The following PALLD variants were observed in gnomAD, a reference collection of about 807,000 sequenced individuals.
The protein encoded by PALLD is palladin, cytoskeletal associated protein.
A neutral mutation model predicts 123.5 loss-of-function variants in PALLD; 61 were observed. That is an observed-to-expected ratio of 0.49 (90% CI 0.40 to 0.61). The LOEUF is 0.61. Among genes scored for constraint, PALLD ranks in the 20% least tolerant of loss-of-function variants. The pLI is 0.00. For synonymous variants in PALLD, 465 were observed against 496.4 expected (o/e 0.94, Z 0.84); for missense variants, 1,273 against 1,377.0 (o/e 0.92, Z 1.20).
intron 2 of PALLD, among the ~76,000 whole-genome samples, chr4:168,519,823 G>A (rs1470915416): frequency 6.6e-6 from 1 of 152,090 alleles, no homozygotes; most frequent in East Asian, 1.9e-4. Context: ...AAGCACACTA[G>A]GGCAGAATCC....
At chr4:168,867,366 C>T (rs1227486220) in intron 10 of PALLD, among the ~76,000 whole-genome samples, 2 of 152,132 alleles carry the variant, frequency 1.3e-5, no homozygotes, top group African/African-American at 4.8e-5. Context: ...TGGCTTTAAA[C>T]ACAGGAAATG....
chr4:168,728,300 A>G (rs955813897), intron 10 of PALLD, among the ~76,000 whole-genome samples: 11 of 152,180 alleles, frequency 7.2e-5, no homozygotes, highest in Admixed American at 4.6e-4. Context: ...TTTGGGTGGT[A>G]TGGGTATTTT....
intron 10 of PALLD, chr4:168,877,852 C>A: frequency 1.5e-6 from 2 of 1,375,054 alleles, no homozygotes; most frequent in Non-Finnish European, 1.9e-6. Context: ...CCGCCTTCCC[C>A]GAGCTCGCGG....
intron 2 of PALLD, among the ~76,000 whole-genome samples, chr4:168,599,359 A>G (rs1050842459): frequency 6.6e-6 from 1 of 152,206 alleles, no homozygotes; most frequent in Non-Finnish European, 1.5e-5. Context: ...CAAAATTCTA[A>G]TCATCTATTT....
At chr4:168,574,135 T>C (rs1297979957) in intron 2 of PALLD, among the ~76,000 whole-genome samples, 2 of 152,124 alleles carry the variant, frequency 1.3e-5, no homozygotes, top group East Asian at 1.9e-4. Context: ...AGACACTTAT[T>C]GCATAGTTAA....
At chr4:168,657,966 A>AAG (rs548906012) in intron 2 of PALLD, among the ~76,000 whole-genome samples, 158 of 152,288 alleles carry the variant, frequency 1.0e-3, no homozygotes, top group Admixed American at 5.6e-3. Flanking sequence ...GTCTCAAAAA[A>AAG]AGAGAGAGAG....
chr4:168,516,459 G>GT (rs1376795763), intron 2 of PALLD, among the ~76,000 whole-genome samples: 12 of 151,970 alleles, frequency 7.9e-5, no homozygotes, highest in Middle Eastern at 3.4e-3. Context: ...ATTTTTAAAG[G>GT]TATTTATTTA....
intron 10 of PALLD, among the ~76,000 whole-genome samples, chr4:168,853,655 G>C (rs773832716): frequency 2.0e-5 from 3 of 152,162 alleles, no homozygotes; most frequent in Non-Finnish European, 2.9e-5. Flanking sequence ...GAAGGGCTGA[G>C]ACTCTGAGAA....
chr4:168,725,688 G>A (rs112140640), intron 10 of PALLD, among the ~76,000 whole-genome samples: 12,478 of 151,466 alleles, frequency 0.082, 511 homozygotes, highest in South Asian at 0.12. Context: ...CACCACGCCC[G>A]GCTAATTTTT....
chr4:168,876,069 T>TG (rs1269431112), intron 10 of PALLD, among the ~76,000 whole-genome samples: 6 of 152,346 alleles, frequency 3.9e-5, no homozygotes, highest in African/African-American at 1.2e-4. Context: ...GCCACACAGA[T>TG]GGCTTCTAAT....
At position 168,918,325 on chromosome 4, in the gene PALLD, G is replaced by GATAT. The variant is rs71588177; in HGVS notation, c.2850+2310_2850+2313dup. 9.6e-3 allele frequency among the ~76,000 whole-genome samples: 1,430 copies of GATAT among 149,314 alleles called. 13 individuals carry two copies. The highest frequency in any genetic ancestry group is 0.022 in the African/African-American group (907 of 40,994). On this transcript the variant is annotated intron_variant, in intron 17 of 21. Transcript: ENST00000505667. Reference sequence around the variant, plus strand: ...AGATGAATGAATAAAGAAAATATGAGATATATATATATATACATACATACA... The same window carrying GATAT: ...AGATGAATGAATAAAGAAAATATGAGATATATATATATATATATACATACATACA...
At chr4:168,895,788 A>G (rs1278815923) in intron 12 of PALLD, among the ~76,000 whole-genome samples, 1 of 152,258 alleles carries the variant, frequency 6.6e-6, no homozygotes, top group Non-Finnish European at 1.5e-5. Context: ...TAGTCTTAAT[A>G]TCTAGTCAAA....
intron 2 of PALLD, among the ~76,000 whole-genome samples, chr4:168,659,031 G>A (rs2149965872): frequency 6.6e-6 from 1 of 152,342 alleles, no homozygotes; most frequent in Middle Eastern, 3.4e-3. Context: ...AACATAGTGT[G>A]TCATGTGGTT....
chr4:168,760,573 C>A (rs193045290), intron 10 of PALLD, among the ~76,000 whole-genome samples: 1 of 152,262 alleles, frequency 6.6e-6, no homozygotes. Context: ...ACCATAGTCT[C>A]ATCCCTCCAA....
At chr4:168,810,739 C>T (rs1457303055) in intron 10 of PALLD, among the ~76,000 whole-genome samples, 5 of 149,588 alleles carry the variant, frequency 3.3e-5, no homozygotes, top group Admixed American at 1.3e-4. Flanking sequence ...ACCCGGGAAG[C>T]GGAGCTTGCA....
intron 10 of PALLD, among the ~76,000 whole-genome samples, chr4:168,795,059 C>T (rs546516911): frequency 3.3e-5 from 5 of 152,198 alleles, no homozygotes; most frequent in Admixed American, 1.3e-4. Flanking sequence ...TGGAAGGGAC[C>T]GGGAGCTCTG....
At chr4:168,754,657 G>C (rs1222305058) in intron 10 of PALLD, among the ~76,000 whole-genome samples, 1 of 152,148 alleles carries the variant, frequency 6.6e-6, no homozygotes, top group Non-Finnish European at 1.5e-5. Context: ...CCGAGATATG[G>C]AGTATCTCAA....
intron 10 of PALLD, among the ~76,000 whole-genome samples, chr4:168,785,866 T>TATATATATATATATATAC (rs1736670490): frequency 7.3e-6 from 1 of 136,980 alleles, no homozygotes; most frequent in Non-Finnish European, 1.6e-5. Context: ...TATATATATA[T>TATATATATATATATATAC]ATATATATAT....
At chr4:168,916,860 G>A (rs186427287) in intron 17 of PALLD, among the ~76,000 whole-genome samples, 2 of 151,330 alleles carry the variant, frequency 1.3e-5, no homozygotes, top group East Asian at 3.9e-4. Flanking sequence ...TAGTAGAGAT[G>A]GGGTTTCACC....
Sources: gnomAD v4.1 joint callset for allele counts (sites outside exome capture counted in the v4.1 genomes callset) on GRCh38, gnomAD v4.1.1 for gene constraint, MANE v1.5 for transcripts, NCBI Gene and HGNC (gene_info 2026-07-23, HGNC 2026-07-21) for gene names.